Variants in SHISA9 observed in about 807,000 individuals in gnomAD.
SHISA9 encodes protein shisa-9.
A neutral mutation model predicts 38.0 loss-of-function variants in SHISA9; 13 were observed. The observed-to-expected ratio is 0.34, with a 90% confidence interval of 0.22 to 0.54. The LOEUF (loss-of-function observed/expected upper bound fraction) is 0.54. SHISA9 is among the 20% of genes least tolerant of loss of function. The probability of loss-of-function intolerance (pLI) is 0.91; values close to 1 mark genes in which losing one functional copy is unlikely to be tolerated. For synonymous variants in SHISA9, 275 were observed against 242.0 expected (o/e 1.14, Z -1.27); for missense variants, 538 against 575.8 (o/e 0.93, Z 0.67).
chr16:13,037,477 G>A (rs189791216), intron 2 of SHISA9, among the ~76,000 whole-genome samples: 1 of 152,194 alleles, frequency 6.6e-6, no homozygotes, highest in African/African-American at 2.4e-5. Flanking sequence ...AGCAGTGAGG[G>A]AGAGTGCAAG....
chr16:13,109,821 C>G (rs184766652), intron 2 of SHISA9, among the ~76,000 whole-genome samples: 1 of 152,096 alleles, frequency 6.6e-6, no homozygotes, highest in African/African-American at 2.4e-5. Context: ...GAGGTTCATC[C>G]CTGTCTTAGC....
rs146159740 is a variant in SHISA9 at position 13,153,884 on chromosome 16, C to G, written c.692-49510C>G. ...TTGTGATATAATTACATTTGTGAAG[C>G]AGATGGTTCACCAACAAGCACGTGG... On this transcript the variant is annotated intron_variant, in intron 2 of 4. Coordinates refer to ENST00000558583, the MANE Select transcript of SHISA9 (RefSeq NM_001145204.3). Among the ~76,000 whole-genome samples the G allele has an allele frequency of 6.4e-4, 93 of 146,086 alleles. 1 individual carries two copies. The highest frequency in any genetic ancestry group is 1.0e-3 in the Non-Finnish European group (69 of 67,478).
At chr16:13,444,342 G>T in the SHISA9 span, among the ~76,000 whole-genome samples, 6 of 143,990 alleles carry the variant, frequency 4.2e-5, no homozygotes, top group African/African-American at 1.5e-4. Context: ...CTGAACTCCA[G>T]TCTCAGTGAC....
intron 2 of SHISA9, among the ~76,000 whole-genome samples, chr16:13,125,815 C>T (rs1567220610): frequency 1.3e-5 from 2 of 152,266 alleles, no homozygotes; most frequent in South Asian, 4.2e-4. Flanking sequence ...CACAAGTGCT[C>T]AAGAAATATT....
chr16:13,305,107 G>T, the SHISA9 span, among the ~76,000 whole-genome samples: 1 of 152,198 alleles, frequency 6.6e-6, no homozygotes, highest in Non-Finnish European at 1.5e-5. Flanking sequence ...ATATCTTGGG[G>T]ATGGGGCCTA....
At position 13,012,872 on chromosome 16, in the gene SHISA9, C is replaced by G. The variant is rs118156662; in HGVS notation, c.691+96057C>G. Among the ~76,000 whole-genome samples, 997 of 152,286 alleles carry G rather than the reference C, an allele frequency of 6.5e-3. 7 individuals are homozygous for G. Among genetic ancestry groups the G allele is most frequent in the Middle Eastern group, 0.02 (6 of 294 alleles). On this transcript the variant is annotated intron_variant, in intron 2 of 4. Coordinates refer to ENST00000558583, the MANE Select transcript of SHISA9 (RefSeq NM_001145204.3). ...ACGGCCAGACAGGGAGGAGAGACAA[C>G]TTTCAAAAGGGTGTGTGAGTGCTGT...
intron 2 of SHISA9, among the ~76,000 whole-genome samples, chr16:13,063,811 C>T (rs527706480): frequency 7.2e-5 from 11 of 152,276 alleles, no homozygotes. Flanking sequence ...CCTATGCGGC[C>T]CTCAGCCTTT....
chr16:13,406,791 G>A, the SHISA9 span, among the ~76,000 whole-genome samples: 14 of 152,218 alleles, frequency 9.2e-5, no homozygotes, highest in Admixed American at 7.8e-4. Context: ...ACCACAGGTC[G>A]GGTGCGGTGG....
chr16:13,353,492 C>T, the SHISA9 span, among the ~76,000 whole-genome samples: 1 of 151,762 alleles, frequency 6.6e-6, no homozygotes, highest in South Asian at 2.1e-4. Context: ...ATAGTGTAAA[C>T]CTGCAGTGTA....
chr16:13,491,333 C>G, the SHISA9 span, among the ~76,000 whole-genome samples: 1 of 150,450 alleles, frequency 6.6e-6, no homozygotes, highest in African/African-American at 2.4e-5. Context: ...TGTTGTGTAA[C>G]AGAAATTGTC....
the SHISA9 span, among the ~76,000 whole-genome samples, chr16:13,507,086 A>T: frequency 4.0e-5 from 6 of 151,894 alleles, no homozygotes; most frequent in South Asian, 2.1e-4. Context: ...TATATATATA[A>T]AATCTGGTTT....
intron 2 of SHISA9, among the ~76,000 whole-genome samples, chr16:12,976,872 A>G (rs1223657525): frequency 6.6e-6 from 1 of 152,200 alleles, no homozygotes; most frequent in Admixed American, 6.5e-5. Context: ...GGGACCTCAG[A>G]GAGTGGCTGA....
At chr16:13,377,055 A>G in the SHISA9 span, among the ~76,000 whole-genome samples, 3 of 152,328 alleles carry the variant, frequency 2.0e-5, no homozygotes, top group African/African-American at 4.8e-5. Flanking sequence ...TGCTGCTTCC[A>G]TCCTCTCAGG....
chr16:13,180,711 A>C (rs1472752756), intron 2 of SHISA9, among the ~76,000 whole-genome samples: 3 of 152,242 alleles, frequency 2.0e-5, no homozygotes, highest in African/African-American at 7.2e-5. Flanking sequence ...ATAAATAAAT[A>C]AACAAACTGA....
the SHISA9 span, among the ~76,000 whole-genome samples, chr16:13,459,705 G>T: frequency 6.6e-6 from 1 of 152,154 alleles, no homozygotes; most frequent in African/African-American, 2.4e-5. Context: ...ACAGGAGGCT[G>T]TAATTGACCC....
chr16:13,233,801 C>G (rs1012279590), intron 4 of SHISA9, among the ~76,000 whole-genome samples: 2 of 152,020 alleles, frequency 1.3e-5, no homozygotes, highest in South Asian at 4.1e-4. Context: ...GCTTGAGCCC[C>G]GGAGTTCAAG....
chr16:13,409,681 G>C, the SHISA9 span, among the ~76,000 whole-genome samples: 1 of 152,204 alleles, frequency 6.6e-6, no homozygotes, highest in Non-Finnish European at 1.5e-5. Context: ...CTAATGTATT[G>C]TCTTAGCTGG....
At chr16:12,975,418 C>G (rs543326775) in intron 2 of SHISA9, among the ~76,000 whole-genome samples, 1 of 151,904 alleles carries the variant, frequency 6.6e-6, no homozygotes, top group Admixed American at 6.6e-5. Context: ...GCAGGAGAAT[C>G]GCTTGAACCC....
At chr16:13,197,995 G>C (rs1178637894) in intron 2 of SHISA9, among the ~76,000 whole-genome samples, 2 of 152,210 alleles carry the variant, frequency 1.3e-5, no homozygotes, top group East Asian at 3.9e-4. Context: ...GACCAGCCTG[G>C]CCAACATGGA....
Sources: gnomAD v4.1 joint callset for allele counts (sites outside exome capture counted in the v4.1 genomes callset) on GRCh38, gnomAD v4.1.1 for gene constraint, MANE v1.5 for transcripts, NCBI Gene and HGNC (gene_info 2026-07-23, HGNC 2026-07-21) for gene names.